The following ANKHD1 variants were observed in gnomAD, a reference collection of about 807,000 sequenced individuals.
ANKHD1 encodes the protein ankyrin repeat and KH domain-containing protein 1.
A neutral mutation model predicts 230.5 loss-of-function variants in ANKHD1; 31 were observed. The observed-to-expected ratio is 0.13, with a 90% CI of 0.10 to 0.18. The LOEUF is 0.18. Ranked by LOEUF, ANKHD1 falls within the 10% of genes least tolerant of loss-of-function variation. ANKHD1 has a pLI of 1.00. For missense variants in ANKHD1, 2,256 were observed against 3,071.3 expected, an observed-to-expected ratio of 0.73 and a Z score of 6.27; for synonymous variants, 1,074 against 1,117.6, an observed-to-expected ratio of 0.96 and a Z score of 0.78.
intron 1 of ANKHD1, among the ~76,000 whole-genome samples, chr5:140,432,587 C>A (rs928373105): frequency 6.6e-6 from 1 of 152,074 alleles, no homozygotes; most frequent in Admixed American, 6.6e-5. Context: ...TAGGTATATA[C>A]CTAAGAAGTA....
At chr5:140,456,843 C>A (rs1775233598) in intron 7 of ANKHD1, among the ~76,000 whole-genome samples, 1 of 152,276 alleles carries the variant, frequency 6.6e-6, no homozygotes, top group South Asian at 2.1e-4. Context: ...CAACAAAAGC[C>A]AAAATTGACA....
At chr5:140,480,192 TTA>T (rs1751208012) in intron 10 of ANKHD1, among the ~76,000 whole-genome samples, 2 of 152,046 alleles carry the variant, frequency 1.3e-5, no homozygotes, top group Non-Finnish European at 1.5e-5. Flanking sequence ...TCAAATGTGA[TTA>T]TGTTATTCAA....
At chr5:140,523,344 G>A (rs1428917197) in intron 24 of ANKHD1, among the ~76,000 whole-genome samples, 2 of 151,844 alleles carry the variant, frequency 1.3e-5, no homozygotes, top group Admixed American at 6.6e-5. Context: ...CTGGGCTCAA[G>A]CAATCTTTCC....
At chr5:140,533,337 G>A (rs1467155021) in intron 29 of ANKHD1, among the ~76,000 whole-genome samples, 2 of 152,084 alleles carry the variant, frequency 1.3e-5, no homozygotes, top group Non-Finnish European at 2.9e-5. Context: ...GGTGGCTCAC[G>A]CCTGTAATCC....
At chr5:140,458,508 TTCTAA>T (rs1775390574) in intron 7 of ANKHD1, 112 bp from the exon 8 acceptor site, 1 of 1,083,226 alleles carries the variant, frequency 9.2e-7, no homozygotes, top group Admixed American at 2.7e-5. Context: ...ATGCTGAATC[TTCTAA>T]TCTTGTCTTT....
intron 1 of ANKHD1, among the ~76,000 whole-genome samples, chr5:140,434,653 AT>A (rs1330314727): frequency 6.6e-6 from 1 of 151,900 alleles, no homozygotes; most frequent in Non-Finnish European, 1.5e-5. Flanking sequence ...GAATATTCTC[AT>A]GCCATTAAAT....
chr5:140,444,840 C>G (rs1774150831), intron 5 of ANKHD1, among the ~76,000 whole-genome samples: 1 of 152,180 alleles, frequency 6.6e-6, no homozygotes, highest in Admixed American at 6.5e-5. Context: ...ACAACTGTTA[C>G]TCTACTTTCT....
At chr5:140,446,678 G>T (rs1774305730) in intron 6 of ANKHD1, among the ~76,000 whole-genome samples, 1 of 151,902 alleles carries the variant, frequency 6.6e-6, no homozygotes, top group Non-Finnish European at 1.5e-5. Context: ...CTAAAGAAAA[G>T]AAATTTTAAA....
chr5:140,459,068 G>A, intron 8 of ANKHD1, 96 bp from the exon 9 acceptor site: 1 of 1,111,936 alleles, frequency 9.0e-7, no homozygotes, highest in Non-Finnish European at 1.1e-6. Flanking sequence ...AACCACAGAA[G>A]CAGAGAAGAC....
Position 140,486,949 on chromosome 5 carries a change from A to ACTT in ANKHD1, c.2143-8_2143-6dup. Reference sequence around the variant, plus strand: ...TCTGAGATGATTTTTTTCTGAGTTGACTTTTTAGGTGCCACGTGTGCCAAC... The same window carrying ACTT: ...TCTGAGATGATTTTTTTCTGAGTTGACTTCTTTTTAGGTGCCACGTGTGCCAAC... On this transcript the variant is annotated splice_polypyrimidine_tract_variant and intron_variant, in intron 13 of 33. Coordinates refer to ENST00000360839, the MANE Select transcript of ANKHD1 (RefSeq NM_017747.3). 1 of 1,605,180 alleles carries ACTT rather than the reference A, an allele frequency of 6.2e-7. No individual in the cohort carries two copies. The highest frequency in any genetic ancestry group is 1.1e-5 in the South Asian group (1 of 89,976).
intron 7 of ANKHD1, among the ~76,000 whole-genome samples, chr5:140,455,265 T>G (rs372828228): frequency 6.6e-6 from 1 of 152,136 alleles, no homozygotes; most frequent in East Asian, 1.9e-4. Flanking sequence ...ATGGATTCAC[T>G]GCTGAATTCT....
chr5:140,525,920 T>C (rs1753589450), intron 25 of ANKHD1, 76 bp from the exon 26 acceptor site: 6 of 1,458,572 alleles, frequency 4.1e-6, no homozygotes, highest in Middle Eastern at 2.0e-4. Flanking sequence ...TATTATGAAT[T>C]ATCAAATATA....
Position 140,538,072 on chromosome 5 carries a change from A to T in ANKHD1, c.7229-14A>T, listed in dbSNP as rs1267152541. 2 of 1,591,458 alleles carry T rather than the reference A, an allele frequency of 1.3e-6. No homozygotes were observed. Among genetic ancestry groups the T allele is most frequent in the Non-Finnish European group, 1.7e-6 (2 of 1,169,590 alleles). The stretch of plus-strand genomic sequence containing the variant: ...AAATAAATTTAAAACTTTGTTTTCA[A>T]TTATTCTTTCCAGAAGGCTTATCAG... On this transcript the variant is annotated splice_polypyrimidine_tract_variant and intron_variant, in intron 31 of 33. Transcript: ENST00000360839.
At position 140,411,883 on chromosome 5, in the gene ANKHD1, C is replaced by T. The variant is rs573182852; in HGVS notation, c.306+9610C>T. On this transcript the variant is annotated intron_variant, in intron 1 of 33. Coordinates refer to ENST00000360839, the MANE Select transcript of ANKHD1 (RefSeq NM_017747.3). ...CCGTTATGTCACCCAAGCTGGAGTGCGGTGGTGCAGGAGTGCAGTGGCTCA... is the reference window on the plus strand; with the variant it reads ...CCGTTATGTCACCCAAGCTGGAGTGTGGTGGTGCAGGAGTGCAGTGGCTCA... Among the ~76,000 whole-genome samples the T allele has an allele frequency of 8.6e-5, 13 of 150,318 alleles. No individual in the cohort carries two copies. The South Asian group carries it at 1.9e-3, about 22-fold the overall frequency.
rs139308312 is a variant in ANKHD1, at chr5:140,478,850, G to A, written c.1783-3730G>A. Among the ~76,000 whole-genome samples, 573 of 151,978 alleles carry A rather than the reference G, an allele frequency of 3.8e-3. 4 individuals carry two copies. The highest frequency in any genetic ancestry group is 0.02 in the Middle Eastern group (6 of 294). On this transcript the variant is annotated intron_variant, in intron 10 of 33. Transcript: ENST00000360839. The stretch of plus-strand genomic sequence containing the variant: ...GTAGAGATAGGGTTTCTCCATGTTG[G>A]TCAGGCTGGTCTGGAACTCCTGACC...
chr5:140,511,488 A>C (rs1303979885), intron 22 of ANKHD1, among the ~76,000 whole-genome samples: 1 of 152,218 alleles, frequency 6.6e-6, no homozygotes, highest in Admixed American at 6.5e-5. Flanking sequence ...CTCTAACACC[A>C]AATCTGAAAA....
rs1257577296 is a variant in ANKHD1 at position 140,507,347 on chromosome 5, G to A, written c.3551+370G>A. Among the ~76,000 whole-genome samples, 2 of 152,146 alleles carry A rather than the reference G, an allele frequency of 1.3e-5. No individual in the cohort carries two copies. Among genetic ancestry groups the A allele is most frequent in the African/African-American group, 4.8e-5 (2 of 41,438 alleles). On this transcript the variant is annotated intron_variant, in intron 19 of 33. Coordinates refer to ENST00000360839, the MANE Select transcript of ANKHD1 (RefSeq NM_017747.3). The surrounding 1 kb of genome is among the most constrained non-coding windows in gnomAD (Gnocchi z 4.1). ...TTTGAGATGGAGTTTCGCTCTTGTT[G>A]CCCAGGCTGGAATGCAATGGCGCGA...
At chr5:140,511,325 T>TA (rs1453796017) in intron 22 of ANKHD1, among the ~76,000 whole-genome samples, 2 of 152,200 alleles carry the variant, frequency 1.3e-5, no homozygotes, top group African/African-American at 4.8e-5. Context: ...GTTTTCTAGT[T>TA]ACTGGCCTAG....
At position 140,401,935 on chromosome 5, in the gene ANKHD1, G is replaced by C. The variant is rs753511875; in HGVS notation, c.-33G>C. The C allele has an allele frequency of 2.6e-6, 4 of 1,545,546 alleles. No individual in the cohort carries two copies. In the East Asian group the frequency reaches 1.0e-4, roughly 39 times the overall value. On this transcript the variant is annotated 5_prime_UTR_variant, in exon 1 of 34. Transcript: ENST00000360839. ...TCAGCGGCGGCGGTGACCGCGAGTGGGTCGGCACCGTCTCCGGCTCCGGGT... is the reference window on the plus strand; with the variant it reads ...TCAGCGGCGGCGGTGACCGCGAGTGCGTCGGCACCGTCTCCGGCTCCGGGT...
Sources: allele counts gnomAD v4.1 joint callset (sites outside exome capture counted in the v4.1 genomes callset), GRCh38; gene constraint gnomAD v4.1.1; non-coding constraint Gnocchi (gnomAD v3.1); transcripts MANE v1.5; gene names NCBI Gene and HGNC (gene_info 2026-07-23, HGNC 2026-07-21).